DMD: variants seen among roughly 807,000 people sequenced by gnomAD.
DMD encodes dystrophin, also known as mutant dystrophin.
Under a neutral mutation model 330.1 loss-of-function variants are expected in DMD, and 63 were observed. The ratio of observed to expected loss-of-function variants is 0.19; its 90% CI spans 0.16 to 0.24. The LOEUF (loss-of-function observed/expected upper bound fraction) is 0.24, where lower values mean the gene tolerates loss of function less well. Among genes scored for constraint, DMD ranks in the 10% least tolerant of loss-of-function variants. The pLI, the probability that DMD is intolerant of heterozygous loss-of-function variation, is 1.00. For synonymous variants in DMD, 1,223 were observed against 959.8 expected (o/e 1.27, Z -5.07); for missense variants, 3,344 against 2,684.1 (o/e 1.25, Z -5.43).
At chrX:33,075,643 C>A (rs989409652) in intron 1 of DMD, among the ~76,000 whole-genome samples, 1 of 112,213 alleles carries the variant, frequency 8.9e-6, no homozygotes, top group African/African-American at 3.2e-5. Context: ...ATTGGGATAT[C>A]TTAGATGTTT....
chrX:32,696,711 T>C (rs1478928753), intron 9 of DMD, among the ~76,000 whole-genome samples: 1 of 110,891 alleles, frequency 9.0e-6, no homozygotes, highest in Non-Finnish European at 1.9e-5. Flanking sequence ...CCTATATCTT[T>C]GCTTGGTGTA....
At chrX:31,188,620 G>T (rs1467641842) in intron 67 of DMD, among the ~76,000 whole-genome samples, 1 of 111,888 alleles carries the variant, frequency 8.9e-6, no homozygotes, top group Non-Finnish European at 1.9e-5. Context: ...TTTTGCTTTT[G>T]CTGTTGTTTT....
At chrX:32,386,111 T>G (rs1241103821) in intron 33 of DMD, among the ~76,000 whole-genome samples, 199 bp downstream of exon 33, 10 of 110,373 alleles carry the variant, frequency 9.1e-5, no homozygotes, top group Non-Finnish European at 9.5e-5. Flanking sequence ...TCGAAATATG[T>G]GTATATGTTT....
intron 20 of DMD, among the ~76,000 whole-genome samples, chrX:32,487,800 C>T (rs1232601117): frequency 1.8e-5 from 2 of 111,659 alleles, no homozygotes; most frequent in African/African-American, 3.3e-5. Context: ...GGAAGGTGAC[C>T]TATATTTCTC....
At chrX:31,917,855 A>T (rs2094629856) in intron 47 of DMD, among the ~76,000 whole-genome samples, 1 of 112,403 alleles carries the variant, frequency 8.9e-6, no homozygotes, top group Admixed American at 9.4e-5. Flanking sequence ...AGTCGTAGAC[A>T]CATAAACACT....
At chrX:33,043,921 G>A (rs1370871041) in intron 1 of DMD, among the ~76,000 whole-genome samples, 1 of 106,373 alleles carries the variant, frequency 9.4e-6, no homozygotes, top group Non-Finnish European at 1.9e-5. Flanking sequence ...GTATATATTA[G>A]GCTCAACTTT....
chrX:31,896,793 A>C (rs1317037014), intron 47 of DMD, among the ~76,000 whole-genome samples: 1 of 112,272 alleles, frequency 8.9e-6, no homozygotes, highest in Non-Finnish European at 1.9e-5. Flanking sequence ...AAACAAAAAT[A>C]AAAAATGATT....
chrX:31,487,983 G>A (rs1405068312), intron 57 of DMD, among the ~76,000 whole-genome samples: 1 of 111,767 alleles, frequency 8.9e-6, no homozygotes, highest in African/African-American at 3.3e-5. Context: ...TCTGTGTTGA[G>A]ATTTATTTTT....
At chrX:32,332,397 G>GA (rs1240059652) in intron 41 of DMD, among the ~76,000 whole-genome samples, 1 of 83,457 alleles carries the variant, frequency 1.2e-5, no homozygotes, top group Admixed American at 1.4e-4. Context: ...AATAAATGAG[G>GA]AAAGCATGGA....
At chrX:31,631,873 A>G (rs1355880289) in intron 54 of DMD, among the ~76,000 whole-genome samples, 2 of 111,541 alleles carry the variant, frequency 1.8e-5, no homozygotes, top group African/African-American at 3.3e-5. Flanking sequence ...CTTTAAGGAG[A>G]CCTATAGATA....
chrX:32,539,519 A>C (rs1229275891), intron 17 of DMD, among the ~76,000 whole-genome samples: 1 of 38,532 alleles, frequency 2.6e-5, no homozygotes, highest in Non-Finnish European at 4.4e-5. Context: ...ATAGAACATT[A>C]AAAAAAAAAA....
intron 5 of DMD, among the ~76,000 whole-genome samples, chrX:32,819,556 T>C (rs1449310435): frequency 8.9e-6 from 1 of 111,913 alleles, no homozygotes; most frequent in Non-Finnish European, 1.9e-5. Context: ...AAAATATGCG[T>C]TACTGTTTTA....
At chrX:32,321,871 T>C (rs1056367621) in intron 41 of DMD, among the ~76,000 whole-genome samples, 2 of 111,672 alleles carry the variant, frequency 1.8e-5, no homozygotes, top group African/African-American at 6.5e-5. Flanking sequence ...AGTAGTATAC[T>C]AGAAGATACG....
rs183498029 is a variant in DMD at position 31,519,136 on chromosome X, T to C, written c.8218-11683A>G. ...TCTGAATGGTTCTAAATGAACACAA[T>C]ACACTCCTATTCTTCAAATAGGTAA... On this transcript the variant is annotated intron_variant, in intron 55 of 78. Transcript: ENST00000357033. Among the ~76,000 whole-genome samples the C allele has an allele frequency of 9.8e-5, 11 of 112,186 alleles. No individual in the cohort carries two copies. The East Asian group carries it at 2.5e-3, about 26-fold the overall frequency.
chrX:32,535,121 G>T (rs1207687186), intron 17 of DMD, among the ~76,000 whole-genome samples: 1 of 111,585 alleles, frequency 9.0e-6, no homozygotes, highest in African/African-American at 3.3e-5. Context: ...AATTTCCACA[G>T]TGTGAGGGCA....
chrX:31,576,024 AACTTT>A (rs763587363), intron 55 of DMD, among the ~76,000 whole-genome samples: 1 of 112,157 alleles, frequency 8.9e-6, no homozygotes, highest in African/African-American at 3.2e-5. Flanking sequence ...TTTCTAAAAT[AACTTT>A]ACTTTGAAAT....
chrX:31,478,096 T>C lies in DMD; in HGVS notation c.8937+10A>G. 8.3e-7 allele frequency: 1 copy of C among 1,209,512 alleles called. No individual in the cohort carries two copies. Among genetic ancestry groups the C allele is most frequent in the East Asian group, 3.0e-5 (1 of 33,821 alleles). ...CTCAAAGGGCCCTGAAGCAAAGAAG[T>C]AGACGGTACCTTGACTTTCTCGAGG... is the stretch of plus-strand genomic sequence containing the variant. On this transcript the variant is annotated intron_variant, in intron 59 of 78. Transcript: ENST00000357033.
intron 1 of DMD, among the ~76,000 whole-genome samples, chrX:33,254,173 A>G (rs1254953170): frequency 9.9e-6 from 1 of 100,595 alleles, no homozygotes; most frequent in African/African-American, 4.8e-5. Flanking sequence ...AGTACTGGTA[A>G]TGCTTAATTA....
chrX:32,139,248 C>G (rs1202719971), intron 44 of DMD, among the ~76,000 whole-genome samples: 1 of 111,762 alleles, frequency 8.9e-6, no homozygotes, highest in African/African-American at 3.3e-5. Context: ...ACAAGCGCCC[C>G]TTAAGACACC....
Sources: gnomAD v4.1 joint callset for allele counts (sites outside exome capture counted in the v4.1 genomes callset) on GRCh38, gnomAD v4.1.1 for gene constraint, MANE v1.5 for transcripts, NCBI Gene and HGNC (gene_info 2026-07-23, HGNC 2026-07-21) for gene names.